The following MRTFB variants were observed in gnomAD, a reference collection of about 807,000 sequenced individuals.
MRTFB encodes myocardin related transcription factor B.
In MRTFB, 29 loss-of-function variants were observed where a neutral mutation model predicts 104.2. The observed-to-expected ratio is 0.28, with a 90% CI of 0.21 to 0.38. The LOEUF (loss-of-function observed/expected upper bound fraction) is 0.38. MRTFB is among the 10% of genes least tolerant of loss of function. MRTFB has a pLI of 1.00. For synonymous variants in MRTFB, 535 were observed against 519.5 expected, an observed-to-expected ratio of 1.03 and a Z score of -0.41; for missense variants, 1,270 against 1,341.6, an observed-to-expected ratio of 0.95 and a Z score of 0.83.
chr16:14,211,337 C>A (rs956097141), intron 4 of MRTFB, among the ~76,000 whole-genome samples: 1 of 152,186 alleles, frequency 6.6e-6, no homozygotes, highest in Non-Finnish European at 1.5e-5. Context: ...ATTTAAGACA[C>A]CATTGCTAGG....
chr16:14,071,678 C>G (rs1032947252), intron 1 of MRTFB, among the ~76,000 whole-genome samples: 1 of 152,140 alleles, frequency 6.6e-6, no homozygotes, highest in Non-Finnish European at 1.5e-5. Flanking sequence ...GTTTATGGAG[C>G]CTCTGCTGTG....
intron 2 of MRTFB, among the ~76,000 whole-genome samples, chr16:14,124,594 C>T (rs2037015352): frequency 6.6e-6 from 1 of 152,178 alleles, no homozygotes; most frequent in Non-Finnish European, 1.5e-5. Flanking sequence ...TTGAACCAGC[C>T]TTGCATCCCA....
chr16:14,157,028 T>C (rs1487644295), intron 3 of MRTFB, among the ~76,000 whole-genome samples: 2 of 152,226 alleles, frequency 1.3e-5, no homozygotes, highest in Non-Finnish European at 2.9e-5. Flanking sequence ...TATCAAATTA[T>C]TTTGGAAATT....
chr16:14,165,908 AT>A (rs1332024593), intron 3 of MRTFB, among the ~76,000 whole-genome samples: 1 of 152,176 alleles, frequency 6.6e-6, no homozygotes, highest in Non-Finnish European at 1.5e-5. Flanking sequence ...CTGCTTTGTA[AT>A]TTAACCCTCT....
chr16:14,252,934 C>G (rs2043314314), intron 15 of MRTFB, among the ~76,000 whole-genome samples: 1 of 152,170 alleles, frequency 6.6e-6, no homozygotes, highest in Non-Finnish European at 1.5e-5. Context: ...GACTTGGTCT[C>G]TCTCTGGTCT....
intron 3 of MRTFB, among the ~76,000 whole-genome samples, chr16:14,201,345 G>A (rs2040694825): frequency 6.6e-6 from 1 of 152,184 alleles, no homozygotes; most frequent in African/African-American, 2.4e-5. Flanking sequence ...GATGTTCTTA[G>A]TGTGTCTCAA....
chr16:14,133,778 C>T (rs1292503602), intron 2 of MRTFB, among the ~76,000 whole-genome samples: 1 of 152,070 alleles, frequency 6.6e-6, no homozygotes, highest in African/African-American at 2.4e-5. Context: ...TTGTTTTTAA[C>T]CCAATAATTG....
chr16:14,197,735 T>C (rs187435399), intron 3 of MRTFB, among the ~76,000 whole-genome samples: 5 of 152,272 alleles, frequency 3.3e-5, no homozygotes, highest in South Asian at 2.1e-4. Context: ...AATATAGATA[T>C]CTAGCGTGCA....
At chr16:14,230,075 C>T (rs2042188696) in intron 8 of MRTFB, among the ~76,000 whole-genome samples, 2 of 151,974 alleles carry the variant, frequency 1.3e-5, no homozygotes, top group African/African-American at 4.8e-5. Context: ...AACTGGCTAG[C>T]CATATGTAGA....
At chr16:14,015,235 A>T in the MRTFB span, among the ~76,000 whole-genome samples, 1 of 152,224 alleles carries the variant, frequency 6.6e-6, no homozygotes, top group Non-Finnish European at 1.5e-5. Context: ...GAAGTTTGGA[A>T]ACGAATGCAC....
At chr16:14,085,641 T>C (rs1441707257) in intron 2 of MRTFB, among the ~76,000 whole-genome samples, 3 of 152,022 alleles carry the variant, frequency 2.0e-5, no homozygotes, top group East Asian at 3.8e-4. Context: ...CAGCACCTAA[T>C]ATAATACCTG....
intron 2 of MRTFB, among the ~76,000 whole-genome samples, chr16:14,130,143 T>A (rs746445987): frequency 1.1e-4 from 17 of 152,248 alleles, no homozygotes; most frequent in Non-Finnish European, 2.4e-4. Flanking sequence ...ATGAAATGTT[T>A]ATTCAAATCC....
intron 2 of MRTFB, among the ~76,000 whole-genome samples, chr16:14,099,608 CA>C (rs2035586144): frequency 1.3e-5 from 2 of 151,080 alleles, no homozygotes; most frequent in East Asian, 3.9e-4. Context: ...CTCGGCCTTC[CA>C]AAATGCTAGG....
chr16:14,224,341 CCTA>C (rs1321535412), intron 8 of MRTFB, among the ~76,000 whole-genome samples: 3 of 152,138 alleles, frequency 2.0e-5, no homozygotes, highest in Non-Finnish European at 4.4e-5. Flanking sequence ...GATGGTATGG[CCTA>C]CTACACCTAC....
chr16:14,076,658 A>T (rs540456810), intron 1 of MRTFB, among the ~76,000 whole-genome samples: 1 of 152,306 alleles, frequency 6.6e-6, no homozygotes, highest in African/African-American at 2.4e-5. Context: ...TATCTGTGGG[A>T]TACATTCCTA....
chr16:14,037,513 C>G, the MRTFB span, among the ~76,000 whole-genome samples: 1 of 152,096 alleles, frequency 6.6e-6, no homozygotes, highest in Admixed American at 6.6e-5. Context: ...GTTCTTTTTA[C>G]ATGGATGTGA....
chr16:14,247,347 C>T lies in MRTFB; in HGVS notation c.2087C>T (p.Ser696Leu), dbSNP rs984184219. The T allele has an allele frequency of 4.3e-6, 7 of 1,614,052 alleles. No individual in the cohort carries two copies. Among genetic ancestry groups the T allele is most frequent in the Non-Finnish European group, 5.9e-6 (7 of 1,180,046 alleles). ...VGQAEQQSVV[S>L]QFYVSSQGQP... ...CAGGCAGAGCAGCAGAGTGTCGTCT[C>T]GCAGTTTTATGTGAGTTCCCAGGGA... is the stretch of plus-strand genomic sequence containing the variant. Residue 696 changes from serine to leucine, a missense_variant, in exon 12 of 17, where the codon TCG becomes TTG. By Grantham distance (145) the Ser-to-Leu change is moderately radical. Transcript: ENST00000571589.
intron 14 of MRTFB, 140 bp downstream of exon 14, chr16:14,252,163 A>G: frequency 4.9e-6 from 6 of 1,230,700 alleles, no homozygotes; most frequent in Non-Finnish European, 6.8e-6. Flanking sequence ...GTGAAGGAGG[A>G]GCTCAGCTAT....
In MRTFB at chr16:14,252,343, ACTC is replaced by A. The variant is rs1555460868; in HGVS notation, c.2566-16_2566-14del. 1 of 1,608,914 alleles carries A rather than the reference ACTC, an allele frequency of 6.2e-7. No homozygotes were observed. Among genetic ancestry groups the A allele is most frequent in the South Asian group, 1.1e-5 (1 of 90,274 alleles). On this transcript the variant is annotated intron_variant, in intron 14 of 16. Transcript: ENST00000571589. ...GGTTTATTGCCAAGAGGTAATGTGC[ACTC>A]CTCCTTTATTTGACACAGCCTAGTT...
Sources: gnomAD v4.1 joint callset for allele counts (sites outside exome capture counted in the v4.1 genomes callset) on GRCh38, gnomAD v4.1.1 for gene constraint, MANE v1.5 for transcripts, NCBI Gene and HGNC (gene_info 2026-07-23, HGNC 2026-07-21) for gene names.